Variants in HSD17B6 observed in about 807,000 individuals in gnomAD.
HSD17B6 encodes hydroxysteroid 17-beta dehydrogenase 6, also known as 17-beta-hydroxysteroid dehydrogenase type 6.
Under a neutral mutation model 26.4 loss-of-function variants are expected in HSD17B6, and 16 were observed. The ratio of observed to expected loss-of-function variants is 0.61; its 90% CI spans 0.41 to 0.92. HSD17B6 has a LOEUF of 0.92. Among genes scored for constraint, HSD17B6 ranks in the 40% least tolerant of loss-of-function variants. The pLI is 0.00. For synonymous variants in HSD17B6, 139 were observed against 153.0 expected, an observed-to-expected ratio of 0.91 and a Z score of 0.68; for missense variants, 357 against 386.1, an observed-to-expected ratio of 0.92 and a Z score of 0.63.
chr12:56,771,069 A>C (rs1954460693), intron 1 of HSD17B6, among the ~76,000 whole-genome samples: 1 of 152,182 alleles, frequency 6.6e-6, no homozygotes, highest in Admixed American at 6.5e-5. Context: ...GGATGGCAGT[A>C]CTGGAGCTGG....
chr12:56,773,747 G>A, intron 1 of HSD17B6, 87 bp from the exon 2 acceptor site: 1 of 1,246,252 alleles, frequency 8.0e-7, no homozygotes, highest in Non-Finnish European at 1.1e-6. Flanking sequence ...CTATCACCTA[G>A]TGCAATGCCT....
In HSD17B6 at chr12:56,769,103, G is replaced by GTT. The variant is rs35174136; in HGVS notation, c.-19-4715_-19-4714dup. Among the ~76,000 whole-genome samples, 1,168 of 129,946 alleles carry GTT rather than the reference G, an allele frequency of 9.0e-3. 22 individuals carry two copies. The highest frequency in any genetic ancestry group is 0.023 in the African/African-American group (798 of 34,952). The allele number at this position is 129,946 out of a possible 152,430, so 85.2% of individuals were successfully genotyped here. ...GAGAGGGCAGTTTCAGCTTTTCAAG[G>GTT]TTTTTTTTTTTTTTTTTGAGGCAGA... On this transcript the variant is annotated intron_variant, in intron 1 of 4. Coordinates refer to ENST00000322165, the MANE Select transcript of HSD17B6 (RefSeq NM_003725.4).
chr12:56,772,511 A>G (rs1031801617), intron 1 of HSD17B6, among the ~76,000 whole-genome samples: 3 of 152,040 alleles, frequency 2.0e-5, no homozygotes, highest in African/African-American at 7.2e-5. Flanking sequence ...CCTGGCCAAC[A>G]TGGTAAAAAA....
At chr12:56,785,969 GGA>G (rs1954864702) in intron 4 of HSD17B6, 1 of 984,966 alleles carries the variant, frequency 1.0e-6, no homozygotes. Flanking sequence ...AAGACCTGGA[GGA>G]GGAGGTAGCA....
At position 56,769,781 on chromosome 12, in the gene HSD17B6, C is replaced by CCA. The variant is rs530831132; in HGVS notation, c.-19-4051_-19-4050dup. Among the ~76,000 whole-genome samples the CCA allele has an allele frequency of 3.7e-4, 57 of 152,236 alleles. No homozygotes were observed. In the East Asian group the frequency reaches 3.9e-3, roughly 10 times the overall value. On this transcript the variant is annotated intron_variant, in intron 1 of 4. Coordinates refer to ENST00000322165, the MANE Select transcript of HSD17B6 (RefSeq NM_003725.4). Reference sequence around the variant, plus strand: ...TGAATGGTTTGTAAAAGCAAGCAGGCCACGCCACTTCGGGTATTTGGACAT... The same window carrying CCA: ...TGAATGGTTTGTAAAAGCAAGCAGGCCACACGCCACTTCGGGTATTTGGACAT...
chr12:56,770,271 G>A (rs1234581775), intron 1 of HSD17B6: 1 of 152,436 alleles, frequency 6.6e-6, no homozygotes, highest in Non-Finnish European at 1.5e-5. Flanking sequence ...TACACCCTAA[G>A]TTGCCCTCTC....
chr12:56,785,874 T>C, intron 4 of HSD17B6: 1 of 842,322 alleles, frequency 1.2e-6, no homozygotes, highest in Non-Finnish European at 1.4e-6. Flanking sequence ...TATGGGCCAT[T>C]CCCTGAGGCT....
chr12:56,768,514 C>G (rs1440914136), intron 1 of HSD17B6, among the ~76,000 whole-genome samples: 1 of 152,052 alleles, frequency 6.6e-6, no homozygotes, highest in Non-Finnish European at 1.5e-5. Flanking sequence ...GCAGAGGTAG[C>G]CTCACTGGGC....
Position 56,787,135 on chromosome 12 carries a change from C to T in HSD17B6, c.747C>T (p.Ile249=). The T allele has an allele frequency of 6.2e-7, 1 of 1,612,412 alleles. No homozygotes were observed. The highest frequency in any genetic ancestry group is 8.5e-7 in the Non-Finnish European group (1 of 1,178,444). Residue 249 remains isoleucine (I), a synonymous_variant, in exon 5 of 5, where the codon ATC becomes ATT. Transcript: ENST00000322165. ...TTTTTTTGTATACAGTTTACAATAT[C>T]ATGAAGGAAGGGCTGTTGAATTGTA... ...GQQYFDALYN[I]MKEGLLNCST... is the part of the protein sequence containing the mutation.
At chr12:56,765,286 A>T (rs376453058) in intron 1 of HSD17B6, among the ~76,000 whole-genome samples, 41 of 152,042 alleles carry the variant, frequency 2.7e-4, no homozygotes, top group African/African-American at 9.6e-4. Context: ...AAATACAAAA[A>T]TTAGCCGGGC....
At chr12:56,768,125 G>A (rs1375214389) in intron 1 of HSD17B6, among the ~76,000 whole-genome samples, 2 of 152,070 alleles carry the variant, frequency 1.3e-5, no homozygotes, top group Non-Finnish European at 2.9e-5. Context: ...TGAGAGCATG[G>A]CACGATCTGA....
intron 1 of HSD17B6, among the ~76,000 whole-genome samples, chr12:56,772,007 A>T (rs556817338): frequency 1.3e-5 from 2 of 151,952 alleles, no homozygotes; most frequent in Admixed American, 6.6e-5. Context: ...CCATGATTGT[A>T]ATTTTCCTGA....
At chr12:56,776,883 C>A (rs1435855927) in intron 2 of HSD17B6, among the ~76,000 whole-genome samples, 1 of 152,194 alleles carries the variant, frequency 6.6e-6, no homozygotes, top group Non-Finnish European at 1.5e-5. Flanking sequence ...GTTTATCATT[C>A]ACCTATTGAA....
intron 3 of HSD17B6, among the ~76,000 whole-genome samples, chr12:56,782,849 G>A (rs1954756188): frequency 6.6e-6 from 1 of 151,810 alleles, no homozygotes; most frequent in Non-Finnish European, 1.5e-5. Context: ...GACTCTTAAC[G>A]AGCATGCTGC....
At chr12:56,773,778 T>G (rs974870030) in intron 1 of HSD17B6, 56 bp from the exon 2 acceptor site, 1 of 1,450,466 alleles carries the variant, frequency 6.9e-7, no homozygotes, top group Admixed American at 2.3e-5. Flanking sequence ...AAATACTGAA[T>G]AGATATATTG....
chr12:56,778,869 G>T (rs1954650642), intron 2 of HSD17B6, among the ~76,000 whole-genome samples: 1 of 151,360 alleles, frequency 6.6e-6, no homozygotes, highest in Admixed American at 6.6e-5. Flanking sequence ...TGGAGACGGG[G>T]TTTCACCGTG....
intron 1 of HSD17B6, among the ~76,000 whole-genome samples, chr12:56,769,747 T>G (rs1233110641): frequency 6.6e-6 from 1 of 152,194 alleles, no homozygotes; most frequent in Non-Finnish European, 1.5e-5. Context: ...ATTGCACAGC[T>G]TTTGCAGATG....
chr12:56,782,295 G>T (rs1037302743), intron 3 of HSD17B6, 63 bp downstream of exon 3: 3 of 1,493,834 alleles, frequency 2.0e-6, no homozygotes, highest in Admixed American at 2.0e-5. Context: ...CATTGTGCTA[G>T]TTGCTTTCGC....
chr12:56,767,799 T>C (rs1295224949), intron 1 of HSD17B6, among the ~76,000 whole-genome samples: 3 of 146,482 alleles, frequency 2.0e-5, no homozygotes, highest in Non-Finnish European at 3.0e-5. Context: ...ATAATATATA[T>C]GTGTGTATAT....
Sources: gnomAD v4.1 joint callset for allele counts (sites outside exome capture counted in the v4.1 genomes callset) on GRCh38, gnomAD v4.1.1 for gene constraint, MANE v1.5 for transcripts, NCBI Gene and HGNC (gene_info 2026-07-23, HGNC 2026-07-21) for gene names.